The following NEURL1 variants were observed in gnomAD, a reference collection of about 807,000 sequenced individuals.
NEURL1 encodes the protein neuralized E3 ubiquitin protein ligase 1.
A neutral mutation model predicts 41.2 loss-of-function variants in NEURL1; 26 were observed. The ratio of observed to expected loss-of-function variants is 0.63; its 90% CI spans 0.46 to 0.87. The LOEUF is 0.87. Ranked by LOEUF, NEURL1 falls within the 40% of genes least tolerant of loss-of-function variation. The probability of loss-of-function intolerance (pLI) is 0.00; values close to 1 mark genes in which losing one functional copy is unlikely to be tolerated. For synonymous variants in NEURL1, 400 were observed against 402.3 expected, an observed-to-expected ratio of 0.99 and a Z score of 0.07; for missense variants, 761 against 871.1, an observed-to-expected ratio of 0.87 and a Z score of 1.59.
intron 1 of NEURL1, among the ~76,000 whole-genome samples, chr10:103,498,384 G>C (rs900082504): frequency 6.6e-6 from 1 of 152,070 alleles, no homozygotes; most frequent in African/African-American, 2.4e-5. Context: ...CCGCCACCGC[G>C]CCCGGCTAAT....
intron 1 of NEURL1, among the ~76,000 whole-genome samples, chr10:103,551,565 A>G (rs1356346181): frequency 1.3e-5 from 2 of 152,122 alleles, no homozygotes; most frequent in African/African-American, 2.4e-5. Flanking sequence ...CAGCCTCCCA[A>G]AGTGCTGGGA....
At chr10:103,581,573 G>A (rs1234479691) in intron 3 of NEURL1, among the ~76,000 whole-genome samples, 2 of 152,190 alleles carry the variant, frequency 1.3e-5, no homozygotes, top group Non-Finnish European at 2.9e-5. Flanking sequence ...CTAGACTGAT[G>A]ACTTCAAATT....
chr10:103,505,092 C>G (rs2033916980), intron 1 of NEURL1, among the ~76,000 whole-genome samples: 1 of 147,152 alleles, frequency 6.8e-6, no homozygotes, highest in Admixed American at 6.8e-5. Context: ...GCCTTGTTAT[C>G]CAGGCTCTGG....
At chr10:103,522,280 C>T (rs114571418) in intron 1 of NEURL1, among the ~76,000 whole-genome samples, 1,968 of 151,994 alleles carry the variant, frequency 0.013, 36 homozygotes, top group African/African-American at 0.044. Context: ...CATTTTGATG[C>T]GTTTTTTTTT....
intron 1 of NEURL1, among the ~76,000 whole-genome samples, chr10:103,549,370 C>T (rs1315831998): frequency 1.3e-5 from 2 of 152,240 alleles, no homozygotes; most frequent in African/African-American, 2.4e-5. Context: ...GGCTCCCTGG[C>T]TCCAGTTTCT....
chr10:103,539,122 C>T (rs910342097), intron 1 of NEURL1, among the ~76,000 whole-genome samples: 1 of 151,614 alleles, frequency 6.6e-6, no homozygotes, highest in African/African-American at 2.4e-5. Context: ...GATTTTTGAG[C>T]TTTTTGTAGA....
intron 4 of NEURL1, chr10:103,588,666 G>A: frequency 2.5e-6 from 1 of 407,786 alleles, no homozygotes. Flanking sequence ...GGAGAGGAAG[G>A]CCGGGCGCAG....
chr10:103,579,465 G>A (rs60984138), intron 3 of NEURL1, among the ~76,000 whole-genome samples: 2,003 of 152,296 alleles, frequency 0.013, 48 homozygotes, highest in African/African-American at 0.044. Context: ...TCTAAGTCAT[G>A]GTTATTCCAA....
At chr10:103,570,346 T>C (rs2035512559) in intron 1 of NEURL1, among the ~76,000 whole-genome samples, 1 of 152,124 alleles carries the variant, frequency 6.6e-6, no homozygotes, top group Non-Finnish European at 1.5e-5. Flanking sequence ...GAGGGAAGTG[T>C]TGTCTTCCCC....
intron 4 of NEURL1, among the ~76,000 whole-genome samples, chr10:103,585,885 G>A (rs923609575): frequency 6.6e-6 from 1 of 151,858 alleles, no homozygotes; most frequent in Admixed American, 6.6e-5. Flanking sequence ...TTGAGTCTCG[G>A]TTACCATTTC....
At chr10:103,500,957 C>G (rs568582666) in intron 1 of NEURL1, among the ~76,000 whole-genome samples, 1 of 152,188 alleles carries the variant, frequency 6.6e-6, no homozygotes, top group South Asian at 2.1e-4. Context: ...GACCAGGCTC[C>G]TCAGAGGAGG....
chr10:103,584,028 G>A (rs1354552158), intron 3 of NEURL1, among the ~76,000 whole-genome samples: 1 of 152,066 alleles, frequency 6.6e-6, no homozygotes, highest in Non-Finnish European at 1.5e-5. Flanking sequence ...TGATTGTTAA[G>A]GTTAGATGAG....
intron 1 of NEURL1, among the ~76,000 whole-genome samples, chr10:103,514,067 C>T (rs1052963858): frequency 9.2e-5 from 14 of 152,134 alleles, no homozygotes; most frequent in Middle Eastern, 3.4e-3. Context: ...CCCAGGAGGT[C>T]TCCTGGATGA....
chr10:103,590,036 A>C (rs2036004541), intron 5 of NEURL1, 98 bp from the exon 6 acceptor site: 3 of 1,199,388 alleles, frequency 2.5e-6, no homozygotes, highest in Admixed American at 3.5e-5. Context: ...GATCCTGATA[A>C]ATGGAGGGGG....
At chr10:103,520,212 C>T (rs548243423) in intron 1 of NEURL1, among the ~76,000 whole-genome samples, 4 of 152,176 alleles carry the variant, frequency 2.6e-5, no homozygotes, top group Non-Finnish European at 4.4e-5. Context: ...GTCAGTGTCA[C>T]GTACGTCCGT....
At chr10:103,512,684 C>G (rs143567952) in intron 1 of NEURL1, among the ~76,000 whole-genome samples, 1 of 152,138 alleles carries the variant, frequency 6.6e-6, no homozygotes, top group African/African-American at 2.4e-5. Context: ...GTTTCCCCAG[C>G]GCCCGCAGGG....
At chr10:103,530,426 G>A (rs1161829822) in intron 1 of NEURL1, among the ~76,000 whole-genome samples, 1 of 151,390 alleles carries the variant, frequency 6.6e-6, no homozygotes, top group Non-Finnish European at 1.5e-5. Context: ...CTTAATTTCT[G>A]TATTGACCCA....
intron 1 of NEURL1, among the ~76,000 whole-genome samples, chr10:103,505,925 C>T (rs905932360): frequency 3.3e-5 from 5 of 152,158 alleles, no homozygotes; most frequent in Non-Finnish European, 5.9e-5. Flanking sequence ...TCATTCTGTC[C>T]GTGGAAGTAC....
intron 1 of NEURL1, among the ~76,000 whole-genome samples, chr10:103,567,380 G>GC (rs1240080799): frequency 2.6e-5 from 4 of 151,860 alleles, no homozygotes; most frequent in Non-Finnish European, 4.4e-5. Context: ...TGAATTCTTG[G>GC]CTATTAATGC....
Sources: allele counts gnomAD v4.1 joint callset (sites outside exome capture counted in the v4.1 genomes callset), GRCh38; gene constraint gnomAD v4.1.1; transcripts MANE v1.5; gene names NCBI Gene and HGNC (gene_info 2026-07-23, HGNC 2026-07-21).